The following DPP6 variants were observed in gnomAD, a reference collection of about 807,000 sequenced individuals.
DPP6 encodes dipeptidyl peptidase like 6.
In DPP6, 69 loss-of-function variants were observed where a neutral mutation model predicts 122.6. That is an observed-to-expected ratio of 0.56 (90% CI 0.46 to 0.69). The LOEUF (loss-of-function observed/expected upper bound fraction) is 0.69, where lower values mean the gene tolerates loss of function less well. Among genes scored for constraint, DPP6 ranks in the 30% least tolerant of loss-of-function variants. DPP6 has a pLI of 0.00. For synonymous variants in DPP6, 418 were observed against 433.1 expected (o/e 0.97, Z 0.43); for missense variants, 928 against 1,116.9 (o/e 0.83, Z 2.41).
chr7:153,801,047 G>A, the DPP6 span, among the ~76,000 whole-genome samples: 1 of 150,946 alleles, frequency 6.6e-6, no homozygotes, highest in African/African-American at 2.4e-5. Flanking sequence ...GCTGTTTGTA[G>A]AGCTTATGTA....
intron 1 of DPP6, among the ~76,000 whole-genome samples, chr7:154,419,160 C>CA (rs1291645237): frequency 6.6e-6 from 1 of 152,140 alleles, no homozygotes; most frequent in African/African-American, 2.4e-5. Context: ...GTATTAAAGG[C>CA]AAAGCAATGA....
chr7:153,818,770 G>A, the DPP6 span, among the ~76,000 whole-genome samples: 9 of 151,966 alleles, frequency 5.9e-5, no homozygotes, highest in African/African-American at 1.5e-4. Flanking sequence ...TCTTTTTCCC[G>A]AGACAGTGTC....
intron 1 of DPP6, among the ~76,000 whole-genome samples, chr7:153,977,133 T>C (rs1451940659): frequency 3.9e-5 from 6 of 152,196 alleles, no homozygotes; most frequent in Non-Finnish European, 8.8e-5. Context: ...TAGGAGTCTC[T>C]AGACTCCTCT....
intron 1 of DPP6, among the ~76,000 whole-genome samples, chr7:154,258,877 A>G (rs558880806): frequency 6.6e-6 from 1 of 152,374 alleles, no homozygotes; most frequent in Admixed American, 6.5e-5. Context: ...TCGGTAGCAT[A>G]GTTTCACACA....
the DPP6 span, among the ~76,000 whole-genome samples, chr7:153,858,737 G>T: frequency 2.0e-5 from 3 of 152,184 alleles, no homozygotes; most frequent in Non-Finnish European, 2.9e-5. Flanking sequence ...AAACAGAGAT[G>T]TTTAATGAAG....
intron 1 of DPP6, among the ~76,000 whole-genome samples, chr7:154,266,072 A>G (rs1803400417): frequency 6.6e-6 from 1 of 151,970 alleles, no homozygotes; most frequent in African/African-American, 2.4e-5. Context: ...GCTCCTGGAG[A>G]TCTGGTCTAT....
At chr7:154,541,375 T>C (rs1412064872) in intron 4 of DPP6, among the ~76,000 whole-genome samples, 1 of 152,180 alleles carries the variant, frequency 6.6e-6, no homozygotes, top group African/African-American at 2.4e-5. Context: ...ACTCAAGCAA[T>C]CCTCCTGCTT....
At chr7:154,478,803 G>A (rs1035174631) in intron 3 of DPP6, among the ~76,000 whole-genome samples, 1 of 152,120 alleles carries the variant, frequency 6.6e-6, no homozygotes, top group South Asian at 2.1e-4. Flanking sequence ...AAAATTATAG[G>A]TTCCGAACAG....
At chr7:154,148,636 C>A (rs138757630) in intron 1 of DPP6, among the ~76,000 whole-genome samples, 3 of 152,262 alleles carry the variant, frequency 2.0e-5, no homozygotes, top group Non-Finnish European at 4.4e-5. Context: ...ATGCTCACAG[C>A]CTGCTCACTA....
chr7:154,459,193 GATA>G (rs1258792675), intron 2 of DPP6, among the ~76,000 whole-genome samples: 2 of 148,090 alleles, frequency 1.4e-5, no homozygotes, highest in African/African-American at 4.9e-5. Flanking sequence ...GTATGTGACA[GATA>G]ATGATAATTT....
intron 1 of DPP6, among the ~76,000 whole-genome samples, chr7:154,326,000 A>T (rs1029689573): frequency 6.6e-6 from 1 of 152,182 alleles, no homozygotes; most frequent in Admixed American, 6.5e-5. Context: ...GTTATTTTTC[A>T]TGCATAAAGC....
intron 1 of DPP6, among the ~76,000 whole-genome samples, chr7:154,333,629 A>G (rs1000693557): frequency 4.6e-5 from 7 of 152,196 alleles, no homozygotes; most frequent in African/African-American, 1.7e-4. Flanking sequence ...AATATTGGTG[A>G]AGCATAGTTT....
At chr7:153,867,862 G>C in the DPP6 span, among the ~76,000 whole-genome samples, 169 of 152,234 alleles carry the variant, frequency 1.1e-3, no homozygotes, top group African/African-American at 3.5e-3. Context: ...TAGCATGAAG[G>C]GTTGTTGAAT....
chr7:153,862,664 C>G, the DPP6 span, among the ~76,000 whole-genome samples: 1 of 152,094 alleles, frequency 6.6e-6, no homozygotes, highest in Admixed American at 6.5e-5. Context: ...CAAACTCAGG[C>G]TGTGTTTGTG....
intron 1 of DPP6, among the ~76,000 whole-genome samples, chr7:154,348,503 C>T (rs1469767346): frequency 1.3e-5 from 2 of 152,244 alleles, no homozygotes; most frequent in Non-Finnish European, 2.9e-5. Context: ...GTGGTGAAAT[C>T]GCTGATTATT....
intron 1 of DPP6, among the ~76,000 whole-genome samples, chr7:154,007,981 A>T (rs939936762): frequency 6.6e-6 from 1 of 152,216 alleles, no homozygotes; most frequent in African/African-American, 2.4e-5. Context: ...GATGCAACGG[A>T]GTGTGGGCAG....
At chr7:154,393,821 G>A (rs1002137750) in intron 1 of DPP6, among the ~76,000 whole-genome samples, 5 of 151,810 alleles carry the variant, frequency 3.3e-5, no homozygotes, top group South Asian at 2.1e-4. Flanking sequence ...TCCCCCAATC[G>A]CTAGCAACCA....
chr7:153,979,826 T>G (rs746890542), intron 1 of DPP6, among the ~76,000 whole-genome samples: 13 of 152,232 alleles, frequency 8.5e-5, no homozygotes, highest in African/African-American at 2.9e-4. Flanking sequence ...TCACTGATTC[T>G]GTTTATGTGA....
the DPP6 span, among the ~76,000 whole-genome samples, chr7:153,792,552 A>G: frequency 6.6e-6 from 1 of 152,316 alleles, no homozygotes. Context: ...AGGCTACTCA[A>G]ATATACATTT....
Sources: gnomAD v4.1 joint callset for allele counts (sites outside exome capture counted in the v4.1 genomes callset) on GRCh38, gnomAD v4.1.1 for gene constraint, MANE v1.5 for transcripts, NCBI Gene and HGNC (gene_info 2026-07-23, HGNC 2026-07-21) for gene names.